MAML3: variants seen among roughly 807,000 people sequenced by gnomAD.
The protein encoded by MAML3 is mastermind-like protein 3.
Under a neutral mutation model 101.9 loss-of-function variants are expected in MAML3, and 27 were observed. The observed-to-expected ratio is 0.27, with a 90% CI of 0.20 to 0.37. The LOEUF is 0.37. MAML3 is among the 10% of genes least tolerant of loss of function. The pLI, the probability that MAML3 is intolerant of heterozygous loss-of-function variation, is 1.00. For missense variants in MAML3, 1,316 were observed against 1,444.9 expected (o/e 0.91, Z 1.45); for synonymous variants, 501 against 555.9 (o/e 0.90, Z 1.39).
At chr4:140,093,122 G>A (rs556696898) in intron 1 of MAML3, among the ~76,000 whole-genome samples, 1 of 152,228 alleles carries the variant, frequency 6.6e-6, no homozygotes, top group East Asian at 1.9e-4. Flanking sequence ...TCTATAACTT[G>A]GCCCCAAAGT....
At chr4:140,152,093 C>T (rs114291636) in intron 1 of MAML3, among the ~76,000 whole-genome samples, 4,790 of 152,292 alleles carry the variant, frequency 0.031, 249 homozygotes, top group African/African-American at 0.11. Context: ...CTCCCGCCCC[C>T]TCCAGGCCGC....
intron 1 of MAML3, among the ~76,000 whole-genome samples, chr4:139,921,471 C>T (rs1733129683): frequency 6.6e-6 from 1 of 152,172 alleles, no homozygotes; most frequent in South Asian, 2.1e-4. Context: ...GCATAGAGAG[C>T]TTGCTGGGGC....
chr4:139,772,414 T>C (rs1391061794), intron 2 of MAML3, among the ~76,000 whole-genome samples: 1 of 150,964 alleles, frequency 6.6e-6, no homozygotes, highest in Non-Finnish European at 1.5e-5. Flanking sequence ...CGATCTCGGC[T>C]CACTGCAACC....
chr4:139,776,346 G>A (rs535091882), intron 2 of MAML3, among the ~76,000 whole-genome samples: 3 of 152,262 alleles, frequency 2.0e-5, no homozygotes, highest in African/African-American at 4.8e-5. Flanking sequence ...GGCTCCTGTC[G>A]TGATACAGTG....
At chr4:139,993,062 A>G (rs1734711472) in intron 1 of MAML3, among the ~76,000 whole-genome samples, 1 of 152,160 alleles carries the variant, frequency 6.6e-6, no homozygotes, top group Non-Finnish European at 1.5e-5. Context: ...TAAAATATAG[A>G]CATACAGGGC....
intron 1 of MAML3, among the ~76,000 whole-genome samples, chr4:139,949,621 A>T (rs1264105101): frequency 2.0e-5 from 3 of 152,372 alleles, no homozygotes; most frequent in African/African-American, 7.2e-5. Flanking sequence ...ATTTACAAAC[A>T]CAAATTTAAT....
Position 140,030,805 on chromosome 4 carries a change from G to A in MAML3, c.468+122055C>T, listed in dbSNP as rs189761181. On this transcript the variant is annotated intron_variant, in intron 1 of 4. Transcript: ENST00000509479. ...CCACTGGGCAAGCCTCATAACAGAG[G>A]AGACATTCTAAACCCCAGGGATGGT... Among the ~76,000 whole-genome samples the A allele has an allele frequency of 8.2e-4, 125 of 152,310 alleles. 2 individuals are homozygous for A. Among genetic ancestry groups the A allele is most frequent in the Non-Finnish European group, 1.3e-3 (91 of 68,042 alleles).
intron 1 of MAML3, among the ~76,000 whole-genome samples, chr4:140,100,740 T>C (rs967231707): frequency 5.3e-5 from 8 of 152,196 alleles, no homozygotes; most frequent in African/African-American, 1.4e-4. Flanking sequence ...TTGATCCTTC[T>C]TCCATGGACA....
rs148536957 is a variant in MAML3, at chr4:139,793,381, T to C, written c.2080-62714A>G. 6.7e-3 allele frequency among the ~76,000 whole-genome samples: 1,014 copies of C among 151,868 alleles called. 12 individuals are homozygous for C. Among genetic ancestry groups the C allele is most frequent in the Non-Finnish European group, 0.011 (779 of 68,006 alleles). On this transcript the variant is annotated intron_variant, in intron 2 of 4. Transcript: ENST00000509479. ...GAGTCCTCTTGGGGAGAAATCTCCA[T>C]TGACTTTGTGGAACTGCAAGGCAAG...
intron 2 of MAML3, among the ~76,000 whole-genome samples, chr4:139,789,527 A>G (rs1296601380): frequency 1.3e-5 from 2 of 152,186 alleles, no homozygotes; most frequent in Non-Finnish European, 2.9e-5. Context: ...TAGCAGCCCA[A>G]TGTGACTAGG....
intron 1 of MAML3, among the ~76,000 whole-genome samples, chr4:140,129,016 G>C (rs752624179): frequency 1.3e-5 from 2 of 151,954 alleles, no homozygotes; most frequent in African/African-American, 2.4e-5. Context: ...ACAGCCTCAG[G>C]AGCAATAATG....
chr4:139,792,564 T>C (rs1025088008), intron 2 of MAML3, among the ~76,000 whole-genome samples: 4 of 152,190 alleles, frequency 2.6e-5, no homozygotes, highest in Non-Finnish European at 4.4e-5. Flanking sequence ...AAATGTTATA[T>C]ACTTGCTGCT....
chr4:139,781,508 C>CAT (rs10568513), intron 2 of MAML3, among the ~76,000 whole-genome samples: 13,611 of 136,778 alleles, frequency 0.1, 1,423 homozygotes, highest in African/African-American at 0.24. Flanking sequence ...AGAGCATTTT[C>CAT]ATATATATAT....
intron 1 of MAML3, among the ~76,000 whole-genome samples, chr4:139,917,423 T>G (rs1733046904): frequency 6.6e-6 from 1 of 151,908 alleles, no homozygotes; most frequent in African/African-American, 2.4e-5. Flanking sequence ...AGCAAGAGGG[T>G]AGTACCAGGG....
chr4:139,804,428 G>A (rs1462132212), intron 2 of MAML3, among the ~76,000 whole-genome samples: 1 of 152,014 alleles, frequency 6.6e-6, no homozygotes, highest in Non-Finnish European at 1.5e-5. Flanking sequence ...CACCATGCCT[G>A]GCTAATTTTT....
At chr4:139,938,960 T>G (rs1248057725) in intron 1 of MAML3, among the ~76,000 whole-genome samples, 1 of 152,240 alleles carries the variant, frequency 6.6e-6, no homozygotes, top group Non-Finnish European at 1.5e-5. Flanking sequence ...TGCATATATG[T>G]CTAAAGACAG....
At chr4:139,903,024 C>T (rs1366217129) in intron 1 of MAML3, among the ~76,000 whole-genome samples, 3 of 152,192 alleles carry the variant, frequency 2.0e-5, no homozygotes, top group Non-Finnish European at 4.4e-5. Flanking sequence ...GAAAACCTTC[C>T]GATCCAATGT....
Position 139,858,085 on chromosome 4 carries a change from A to C in MAML3, c.2079+31272T>G, listed in dbSNP as rs1511458. The stretch of plus-strand genomic sequence containing the variant: ...CTGAGTATCTACAATGTGACAGGCG[A>C]GACAAGCACTTTAATGTGCTGATTT... On this transcript the variant is annotated intron_variant, in intron 2 of 4. Transcript: ENST00000509479. Among the ~76,000 whole-genome samples, 5 of 152,190 alleles carry C rather than the reference A, an allele frequency of 3.3e-5. No homozygotes were observed. In the East Asian group the frequency reaches 7.7e-4, roughly 24 times the overall value.
chr4:139,880,179 G>GA lies in MAML3; in HGVS notation c.2079+9177dup, dbSNP rs36094128. On this transcript the variant is annotated intron_variant, in intron 2 of 4. Coordinates refer to ENST00000509479, the MANE Select transcript of MAML3 (RefSeq NM_018717.5). Reference sequence around the variant, plus strand: ...CAGAGTGAGACTCCATCTCAAAATTGAAAAAAAAAAAACAAACAAAAAACC... The same window carrying GA: ...CAGAGTGAGACTCCATCTCAAAATTGAAAAAAAAAAAAACAAACAAAAAACC... 6.9e-4 allele frequency among the ~76,000 whole-genome samples: 96 copies of GA among 139,068 alleles called. 1 individual carries two copies. Among genetic ancestry groups the GA allele is most frequent in the Non-Finnish European group, 7.2e-4 (46 of 63,556 alleles). 91.2% of individuals were successfully genotyped at this position (139,068 alleles called of 152,430 possible). A position where few individuals can be genotyped will look rare whatever the true frequency, so the allele number is the denominator to read the frequency against.
Sources: gnomAD v4.1 joint callset for allele counts (sites outside exome capture counted in the v4.1 genomes callset) on GRCh38, gnomAD v4.1.1 for gene constraint, MANE v1.5 for transcripts, NCBI Gene and HGNC (gene_info 2026-07-23, HGNC 2026-07-21) for gene names.